RAB38: variants seen among roughly 807,000 people sequenced by gnomAD.
RAB38 encodes the protein ras-related protein Rab-38.
RAB38 carries 15 observed loss-of-function variants against 18.4 expected under a neutral mutation model. That is an observed-to-expected ratio of 0.82 (90% confidence interval 0.55 to 1.26). The LOEUF is 1.26. Among genes scored for constraint, RAB38 ranks in the 50% most tolerant of loss-of-function variants. The pLI is 0.00. For missense variants in RAB38, 294 were observed against 267.4 expected (o/e 1.10, Z -0.69); for synonymous variants, 101 against 104.4 (o/e 0.97, Z 0.20).
the RAB38 span, among the ~76,000 whole-genome samples, chr11:87,883,585 A>G: frequency 6.6e-6 from 1 of 151,958 alleles, no homozygotes; most frequent in East Asian, 2.0e-4. Context: ...TACATGGCAA[A>G]GGGAACTTTG....
chr11:88,110,619 C>T (rs916112382), downstream of RAB38, among the ~76,000 whole-genome samples: 2 of 151,942 alleles, frequency 1.3e-5, no homozygotes, highest in Non-Finnish European at 2.9e-5. Flanking sequence ...GAGTTCGAGA[C>T]CAGCCTGGCC....
chr11:88,070,964 T>G, the RAB38 span, among the ~76,000 whole-genome samples: 1 of 152,160 alleles, frequency 6.6e-6, no homozygotes, highest in African/African-American at 2.4e-5. Flanking sequence ...ATGTTAAATT[T>G]TTAAAAGCCA....
At chr11:88,046,258 C>T in the RAB38 span, among the ~76,000 whole-genome samples, 1 of 152,186 alleles carries the variant, frequency 6.6e-6, no homozygotes, top group African/African-American at 2.4e-5. Context: ...GCCTAAAACT[C>T]TCCTTACAAT....
the RAB38 span, among the ~76,000 whole-genome samples, chr11:87,807,061 GC>G: frequency 8.5e-5 from 13 of 152,240 alleles, no homozygotes; most frequent in South Asian, 2.5e-3. Flanking sequence ...TCTCATAGGA[GC>G]GCGAACTCTA....
chr11:87,807,060 A>G, the RAB38 span, among the ~76,000 whole-genome samples: 3 of 152,118 alleles, frequency 2.0e-5, 1 homozygote, highest in African/African-American at 7.2e-5. Context: ...TTCTCATAGG[A>G]GCGCGAACTC....
chr11:87,966,386 G>A, the RAB38 span, among the ~76,000 whole-genome samples: 1 of 152,084 alleles, frequency 6.6e-6, no homozygotes, highest in Non-Finnish European at 1.5e-5. Context: ...ACTAGGAGAT[G>A]GAAACACTGG....
At chr11:87,839,326 A>C in the RAB38 span, among the ~76,000 whole-genome samples, 1 of 152,232 alleles carries the variant, frequency 6.6e-6, no homozygotes, top group Non-Finnish European at 1.5e-5. Flanking sequence ...TGTTAATTAA[A>C]GTAAATGACC....
At chr11:87,952,203 T>C in the RAB38 span, among the ~76,000 whole-genome samples, 6 of 152,148 alleles carry the variant, frequency 3.9e-5, no homozygotes, top group Non-Finnish European at 8.8e-5. Context: ...CATCTCTTAT[T>C]TCTTTCCCTG....
At chr11:87,955,877 A>G in the RAB38 span, among the ~76,000 whole-genome samples, 2 of 71,030 alleles carry the variant, frequency 2.8e-5, no homozygotes, top group Non-Finnish European at 6.1e-5. Flanking sequence ...CAGTATGCAC[A>G]CACACACACA....
the RAB38 span, among the ~76,000 whole-genome samples, chr11:87,899,349 A>G: frequency 6.6e-6 from 1 of 151,630 alleles, no homozygotes; most frequent in African/African-American, 2.4e-5. Flanking sequence ...ACTAGTCTAA[A>G]AAATGTCATT....
the RAB38 span, among the ~76,000 whole-genome samples, chr11:88,071,430 G>A: frequency 1.3e-5 from 2 of 152,144 alleles, no homozygotes; most frequent in East Asian, 3.9e-4. Context: ...TCTAACTCTG[G>A]AATAAAAGGA....
chr11:88,063,477 T>C, the RAB38 span, among the ~76,000 whole-genome samples: 1 of 152,208 alleles, frequency 6.6e-6, no homozygotes, highest in African/African-American at 2.4e-5. Flanking sequence ...AGTAGGGACA[T>C]GGAGAATAGT....
the RAB38 span, among the ~76,000 whole-genome samples, chr11:87,962,509 A>T: frequency 9.6e-6 from 1 of 104,424 alleles, no homozygotes; most frequent in African/African-American, 3.3e-5. Context: ...GGCAGGGGGC[A>T]GGGGGGAAGA....
chr11:87,840,671 A>G, the RAB38 span, among the ~76,000 whole-genome samples: 1 of 152,222 alleles, frequency 6.6e-6, no homozygotes, highest in African/African-American at 2.4e-5. Flanking sequence ...AGAGTTCCCA[A>G]AGACAGAAAT....
At chr11:88,082,894 C>T in the RAB38 span, among the ~76,000 whole-genome samples, 1 of 151,846 alleles carries the variant, frequency 6.6e-6, no homozygotes, top group African/African-American at 2.4e-5. Context: ...CCTCCAATGG[C>T]TTTCTTTCTC....
chr11:87,910,285 T>C, the RAB38 span, among the ~76,000 whole-genome samples: 5 of 152,136 alleles, frequency 3.3e-5, no homozygotes, highest in Non-Finnish European at 7.4e-5. Context: ...TATTATCAAA[T>C]CTTTTGCCCA....
chr11:88,138,221 C>G (rs1300579605), intron 2 of RAB38, among the ~76,000 whole-genome samples: 1 of 152,082 alleles, frequency 6.6e-6, no homozygotes, highest in African/African-American at 2.4e-5. Flanking sequence ...CAAGACAAAA[C>G]TAGTCTCAAC....
chr11:87,957,940 G>C, the RAB38 span, among the ~76,000 whole-genome samples: 120 of 152,154 alleles, frequency 7.9e-4, no homozygotes, highest in East Asian at 3.9e-4. Flanking sequence ...CTCTTCCCTA[G>C]AATCACTTTC....
chr11:88,025,411 T>G, the RAB38 span, among the ~76,000 whole-genome samples: 1 of 152,168 alleles, frequency 6.6e-6, no homozygotes, highest in Non-Finnish European at 1.5e-5. Flanking sequence ...ACGGGATTGC[T>G]AGGTCAAATG....
Sources: gnomAD v4.1 joint callset for allele counts (sites outside exome capture counted in the v4.1 genomes callset) on GRCh38, gnomAD v4.1.1 for gene constraint, MANE v1.5 for transcripts, NCBI Gene and HGNC (gene_info 2026-07-23, HGNC 2026-07-21) for gene names.